Variants in PDZRN4 observed in about 807,000 individuals in gnomAD.
PDZRN4 encodes the protein PDZ domain containing ring finger 4.
In PDZRN4, 70 loss-of-function variants were observed where a neutral mutation model predicts 99.0. The observed-to-expected ratio is 0.71, with a 90% CI of 0.58 to 0.86. The LOEUF (loss-of-function observed/expected upper bound fraction) is 0.86. Ranked by LOEUF, PDZRN4 falls within the 40% of genes least tolerant of loss-of-function variation. The pLI, the probability that PDZRN4 is intolerant of heterozygous loss-of-function variation, is 0.00. For synonymous variants in PDZRN4, 551 were observed against 501.6 expected, an observed-to-expected ratio of 1.10 and a Z score of -1.32; for missense variants, 1,474 against 1,331.2, an observed-to-expected ratio of 1.11 and a Z score of -1.67.
intron 3 of PDZRN4, among the ~76,000 whole-genome samples, chr12:41,204,510 C>T (rs1950835540): frequency 6.6e-6 from 1 of 151,922 alleles, no homozygotes; most frequent in Non-Finnish European, 1.5e-5. Flanking sequence ...AAGAACTGCC[C>T]TAGACTGGGG....
At chr12:41,398,842 G>GT in intron 3 of PDZRN4, among the ~76,000 whole-genome samples, 1 of 152,094 alleles carries the variant, frequency 6.6e-6, no homozygotes, top group Non-Finnish European at 1.5e-5. Context: ...GTGCTCAGTA[G>GT]TTTTTTGGTT....
intron 3 of PDZRN4, among the ~76,000 whole-genome samples, chr12:41,372,665 TA>T (rs1952050181): frequency 6.6e-6 from 1 of 152,158 alleles, no homozygotes; most frequent in East Asian, 1.9e-4. Context: ...CATAGGTAGC[TA>T]AAATGTTGAC....
intron 3 of PDZRN4, among the ~76,000 whole-genome samples, chr12:41,393,610 A>G (rs1952225681): frequency 6.6e-6 from 1 of 152,214 alleles, no homozygotes. Context: ...ATTGTATAAC[A>G]GGTTCTCAAC....
At position 41,229,754 on chromosome 12, in the gene PDZRN4, G is replaced by C. The variant is rs551243093; in HGVS notation, c.843+35566G>C. On this transcript the variant is annotated intron_variant, in intron 3 of 9. Transcript: ENST00000402685. ...TGAATGCTTAGGGCTTGGGTCCTGA[G>C]AGATTTCCCATTTTATTAACAGACT... 5.9e-4 allele frequency among the ~76,000 whole-genome samples: 90 copies of C among 152,138 alleles called. No individual in the cohort carries two copies. In the South Asian group the frequency reaches 9.5e-3, roughly 16 times the overall value.
chr12:41,570,120 A>G (rs1592117711), intron 9 of PDZRN4, among the ~76,000 whole-genome samples: 1 of 152,178 alleles, frequency 6.6e-6, no homozygotes, highest in East Asian at 1.9e-4. Flanking sequence ...GGTAATACAA[A>G]TGTTAGGTCT....
At chr12:41,313,519 C>T (rs956311418) in intron 3 of PDZRN4, among the ~76,000 whole-genome samples, 3 of 152,116 alleles carry the variant, frequency 2.0e-5, no homozygotes, top group African/African-American at 4.8e-5. Context: ...GTCCTGGTGC[C>T]GAGAAGGCCC....
intron 3 of PDZRN4, among the ~76,000 whole-genome samples, chr12:41,340,784 C>A (rs184949418): frequency 1.3e-5 from 2 of 151,870 alleles, no homozygotes; most frequent in Admixed American, 1.3e-4. Flanking sequence ...CTGAATTCTT[C>A]CATAGATTTA....
intron 3 of PDZRN4, among the ~76,000 whole-genome samples, chr12:41,324,524 G>GATCTCTA (rs2120979787): frequency 6.6e-6 from 1 of 152,150 alleles, no homozygotes; most frequent in Admixed American, 6.5e-5. Flanking sequence ...TGGGAAAATA[G>GATCTCTA]CAATATTTTT....
At chr12:41,193,930 G>A in intron 2 of PDZRN4, 151 bp from the exon 3 acceptor site, 1 of 585,496 alleles carries the variant, frequency 1.7e-6, no homozygotes, top group Non-Finnish European at 3.0e-6. Context: ...TGACTAGTTG[G>A]TGTTAAGTAA....
At chr12:41,306,607 T>G (rs1951571636) in intron 3 of PDZRN4, among the ~76,000 whole-genome samples, 1 of 152,164 alleles carries the variant, frequency 6.6e-6, no homozygotes, top group Non-Finnish European at 1.5e-5. Flanking sequence ...TGAACATGCT[T>G]TCTCATTTTT....
intron 5 of PDZRN4, among the ~76,000 whole-genome samples, chr12:41,547,322 T>A (rs1294538104): frequency 6.6e-6 from 1 of 152,128 alleles, no homozygotes; most frequent in Non-Finnish European, 1.5e-5. Context: ...GCAGAAGTAA[T>A]GACACAAAAT....
chr12:41,199,595 C>T (rs189610776), intron 3 of PDZRN4, among the ~76,000 whole-genome samples: 4 of 152,212 alleles, frequency 2.6e-5, no homozygotes, highest in East Asian at 1.9e-4. Context: ...AGCAAAGTCA[C>T]GGAATCAACC....
At chr12:41,373,363 G>A (rs894345400) in intron 3 of PDZRN4, among the ~76,000 whole-genome samples, 5 of 152,080 alleles carry the variant, frequency 3.3e-5, no homozygotes, top group African/African-American at 7.2e-5. Context: ...ACAGGAGACT[G>A]GGGCTTATTT....
At chr12:41,436,778 T>C (rs1366453085) in intron 3 of PDZRN4, among the ~76,000 whole-genome samples, 1 of 152,218 alleles carries the variant, frequency 6.6e-6, no homozygotes, top group Admixed American at 6.5e-5. Context: ...TATCTAAACA[T>C]CTAAGCTTAG....
intron 3 of PDZRN4, among the ~76,000 whole-genome samples, chr12:41,501,074 A>T (rs369152585): frequency 1.3e-5 from 2 of 152,162 alleles, no homozygotes; most frequent in East Asian, 3.9e-4. Flanking sequence ...AGTATTTTAT[A>T]CTTATCCTCA....
At chr12:41,208,791 T>C (rs1287876085) in intron 3 of PDZRN4, among the ~76,000 whole-genome samples, 2 of 151,948 alleles carry the variant, frequency 1.3e-5, no homozygotes, top group East Asian at 3.9e-4. Context: ...GGAAACAAAG[T>C]GAAGATTGTT....
chr12:41,189,047 C>A lies in PDZRN4; in HGVS notation c.592C>A (p.Gln198Lys). 1 of 1,576,644 alleles carries A rather than the reference C, an allele frequency of 6.3e-7. No individual in the cohort carries two copies. The highest frequency in any genetic ancestry group is 8.6e-7 in the Non-Finnish European group (1 of 1,169,582). Residue 198 changes from glutamine to lysine, a missense_variant, in exon 1 of 10, where the codon CAA becomes AAA. By Grantham distance (53) the Gln-to-Lys change is moderately conservative (BLOSUM62 1). Transcript: ENST00000402685. ...GCGCAGGTACCAGGAGAAGTTCACC[C>A]AATACATGGCTCACGTCCGCAACTT... ...TARRYQEKFT[Q>K]YMAHVRNFVG...
At chr12:41,428,826 T>C (rs1952562004) in intron 3 of PDZRN4, among the ~76,000 whole-genome samples, 1 of 152,058 alleles carries the variant, frequency 6.6e-6, no homozygotes. Flanking sequence ...GAGAAGATGA[T>C]ATCCTGAATC....
At chr12:41,540,089 A>G (rs1373301638) in intron 5 of PDZRN4, among the ~76,000 whole-genome samples, 2 of 152,234 alleles carry the variant, frequency 1.3e-5, no homozygotes, top group Non-Finnish European at 1.5e-5. Flanking sequence ...TGAGTTTTTT[A>G]ATGCTTTGGA....
Sources: allele counts gnomAD v4.1 joint callset (sites outside exome capture counted in the v4.1 genomes callset), GRCh38; gene constraint gnomAD v4.1.1; transcripts MANE v1.5; gene names NCBI Gene and HGNC (gene_info 2026-07-23, HGNC 2026-07-21).